Variants in NREP observed in about 807,000 individuals in gnomAD.
The protein encoded by NREP is neuronal regeneration-related protein.
A neutral mutation model predicts 8.6 loss-of-function variants in NREP; 5 were observed. The ratio of observed to expected loss-of-function variants is 0.58; its 90% confidence interval spans 0.30 to 1.22. The LOEUF (loss-of-function observed/expected upper bound fraction) is 1.22. NREP is among the 50% of genes most tolerant of loss of function. The pLI, the probability that NREP is intolerant of heterozygous loss-of-function variation, is 0.07. For missense variants in NREP, 86 were observed against 82.5 expected (o/e 1.04, Z -0.17); for synonymous variants, 27 against 28.0 (o/e 0.96, Z 0.11).
At chr5:111,792,019 A>C (rs1180921834) in intron 2 of NREP, among the ~76,000 whole-genome samples, 1 of 152,200 alleles carries the variant, frequency 6.6e-6, no homozygotes, top group Non-Finnish European at 1.5e-5. Context: ...AACACTATAT[A>C]GTTATAAACT....
At position 111,822,351 on chromosome 5, in the gene NREP, G is replaced by A. The variant is rs201567927; in HGVS notation, c.136-86844C>T. On this transcript the variant is annotated intron_variant, in intron 2 of 3. Coordinates refer to the NREP transcript ENST00000395634. ...ACTGGGAAGCTAGAAATCAGTGACA[G>A]AGACTGAGAAGCTGAGAAGACCCTT... Among the ~76,000 whole-genome samples the A allele has an allele frequency of 3.9e-5, 6 of 152,312 alleles. No individual in the cohort carries two copies. In the East Asian group the frequency reaches 1.2e-3, roughly 29 times the overall value.
At chr5:111,942,988 G>T (rs988052578) in intron 2 of NREP, among the ~76,000 whole-genome samples, 2 of 151,654 alleles carry the variant, frequency 1.3e-5, no homozygotes, top group Admixed American at 6.6e-5. Context: ...TCAATAAATG[G>T]GGTTAAAAGT....
intron 2 of NREP, among the ~76,000 whole-genome samples, chr5:111,773,104 G>A (rs1751274853): frequency 1.3e-5 from 2 of 151,852 alleles, no homozygotes; most frequent in East Asian, 3.9e-4. Context: ...AAGTCATAGT[G>A]CATATAACTT....
intron 2 of NREP, among the ~76,000 whole-genome samples, chr5:111,957,118 C>T (rs1447181619): frequency 5.4e-5 from 8 of 148,672 alleles, no homozygotes; most frequent in East Asian, 2.0e-4. Flanking sequence ...ATAACAATTG[C>T]GAGGGAGGGA....
intron 2 of NREP, among the ~76,000 whole-genome samples, chr5:111,825,796 T>C (rs944044471): frequency 1.3e-5 from 2 of 152,114 alleles, no homozygotes; most frequent in Non-Finnish European, 2.9e-5. Context: ...AACTCCATGG[T>C]GCTTGTCAGG....
At chr5:111,925,056 C>T (rs189140943) in intron 2 of NREP, among the ~76,000 whole-genome samples, 8 of 152,228 alleles carry the variant, frequency 5.3e-5, no homozygotes, top group East Asian at 1.9e-4. Context: ...CCTTCACAAT[C>T]GTGCTACGGG....
At chr5:111,947,770 T>C (rs1026788106) in intron 2 of NREP, among the ~76,000 whole-genome samples, 4 of 152,072 alleles carry the variant, frequency 2.6e-5, no homozygotes, top group Non-Finnish European at 5.9e-5. Flanking sequence ...TAAATTCTTG[T>C]TGTACATAAA....
At chr5:111,764,028 C>T (rs993180913) in intron 2 of NREP, among the ~76,000 whole-genome samples, 8 of 152,286 alleles carry the variant, frequency 5.3e-5, no homozygotes, top group African/African-American at 1.4e-4. Context: ...GTACATATCC[C>T]CTGATATGAT....
intron 2 of NREP, among the ~76,000 whole-genome samples, chr5:111,905,659 T>C (rs1217115137): frequency 6.6e-6 from 1 of 152,118 alleles, no homozygotes; most frequent in Non-Finnish European, 1.5e-5. Context: ...AACTTTATGA[T>C]TCAATGTTTT....
At chr5:111,885,650 C>A (rs528336878) in intron 2 of NREP, among the ~76,000 whole-genome samples, 1 of 151,952 alleles carries the variant, frequency 6.6e-6, no homozygotes, top group African/African-American at 2.4e-5. Flanking sequence ...CAGAACAGAG[C>A]CCTCAGAAAT....
upstream of NREP, chr5:111,757,471 G>A: frequency 1.0e-6 from 1 of 985,224 alleles, no homozygotes; most frequent in Non-Finnish European, 1.2e-6. Context: ...GGGTGCTAGT[G>A]AACAATGAGC....
intron 2 of NREP, among the ~76,000 whole-genome samples, chr5:111,874,437 T>C (rs984779492): frequency 1.3e-4 from 20 of 152,330 alleles, no homozygotes; most frequent in Middle Eastern, 3.4e-3. Context: ...CCTAAGAAGA[T>C]AGTTTTCCAC....
intron 2 of NREP, among the ~76,000 whole-genome samples, chr5:111,786,594 G>A (rs1461000185): frequency 6.6e-6 from 1 of 152,148 alleles, no homozygotes; most frequent in Non-Finnish European, 1.5e-5. Flanking sequence ...ATAAAGATTT[G>A]AGAAGCCTTT....
chr5:111,833,264 C>A (rs1752817219), intron 2 of NREP, among the ~76,000 whole-genome samples: 1 of 152,140 alleles, frequency 6.6e-6, no homozygotes, highest in Non-Finnish European at 1.5e-5. Context: ...TATTTGTGTG[C>A]ACCCTCAGGA....
At chr5:111,891,030 C>G (rs191842468) in intron 2 of NREP, among the ~76,000 whole-genome samples, 1 of 152,336 alleles carries the variant, frequency 6.6e-6, no homozygotes, top group East Asian at 1.9e-4. Flanking sequence ...GGCCAGTCTG[C>G]AAGTTTTCCA....
intron 2 of NREP, chr5:111,738,803 G>A (rs1431725481): frequency 2.6e-5 from 4 of 152,334 alleles, no homozygotes; most frequent in South Asian, 2.1e-4. Context: ...TTTGGAAACA[G>A]GATCTTTGCA....
intron 2 of NREP, among the ~76,000 whole-genome samples, chr5:111,788,981 A>G (rs7722878): frequency 0.98 from 148,858 of 152,324 alleles, 72,830 homozygotes; most frequent in Non-Finnish European, 1. Flanking sequence ...CCCGCCTGAC[A>G]TGAGCTCTTC....
intron 1 of NREP, 92 bp from the exon 2 acceptor site, chr5:111,755,922 A>G: frequency 1.3e-6 from 2 of 1,550,896 alleles, no homozygotes; most frequent in Non-Finnish European, 1.7e-6. Flanking sequence ...ACGAATAACC[A>G]TTTTCTGTGG....
Position 111,937,330 on chromosome 5 carries a change from C to T in NREP, c.135+37944G>A, listed in dbSNP as rs547326299. 3.6e-4 allele frequency among the ~76,000 whole-genome samples: 55 copies of T among 152,176 alleles called. 1 individual carries two copies. The South Asian group carries it at 7.3e-3, about 20-fold the overall frequency. On this transcript the variant is annotated intron_variant, in intron 2 of 3. Transcript: ENST00000395634. ...CTTCCAAGATTAGCAGAATCCTGCA[C>T]GTAGTATTCAAGCATGATTCACTAA...
Sources: allele counts gnomAD v4.1 joint callset (sites outside exome capture counted in the v4.1 genomes callset), GRCh38; gene constraint gnomAD v4.1.1; transcripts MANE v1.5; gene names NCBI Gene and HGNC (gene_info 2026-07-23, HGNC 2026-07-21).